The following ACLY variants were observed in gnomAD, a reference collection of about 807,000 sequenced individuals.
The protein encoded by ACLY is ATP-citrate synthase.
Under a neutral mutation model 133.0 loss-of-function variants are expected in ACLY, and 41 were observed. The ratio of observed to expected loss-of-function variants is 0.31; its 90% confidence interval spans 0.24 to 0.40. The LOEUF (loss-of-function observed/expected upper bound fraction) is 0.40, where lower values mean the gene tolerates loss of function less well. Among genes scored for constraint, ACLY ranks in the 10% least tolerant of loss-of-function variants. The probability of loss-of-function intolerance (pLI) is 1.00; values close to 1 mark genes in which losing one functional copy is unlikely to be tolerated. For synonymous variants in ACLY, 495 were observed against 549.3 expected, an observed-to-expected ratio of 0.90 and a Z score of 1.38; for missense variants, 1,046 against 1,453.8, an observed-to-expected ratio of 0.72 and a Z score of 4.56.
intron 16 of ACLY, among the ~76,000 whole-genome samples, chr17:41,888,261 G>T (rs575821897): frequency 6.6e-6 from 1 of 152,310 alleles, no homozygotes. Flanking sequence ...ATCTCCACTA[G>T]CTAACACCAC....
rs1555629745 is a variant in ACLY at position 41,893,289 on chromosome 17, A to C, written c.1460-115T>G. 4.2e-6 allele frequency: 5 copies of C among 1,194,502 alleles called. No homozygotes were observed. The Admixed American group carries it at 8.2e-5, about 20-fold the overall frequency. 74.0% of individuals were successfully genotyped at this position (1,194,502 alleles called of 1,614,324 possible). On this transcript the variant is annotated intron_variant, in intron 14 of 28. Transcript: ENST00000352035. ...CCCCATGTCCACAGGGTGATGCCTC[A>C]TCACAACCGTAAAGGAATGTCAAGA...
chr17:41,894,555 C>CAA (rs570391103), intron 14 of ACLY, among the ~76,000 whole-genome samples: 1 of 127,018 alleles, frequency 7.9e-6, no homozygotes. Flanking sequence ...GACCCCACCT[C>CAA]AAAAAAAAAA....
intron 14 of ACLY, among the ~76,000 whole-genome samples, 163 bp downstream of exon 14, chr17:41,896,457 G>C (rs1555630386): frequency 6.6e-6 from 1 of 152,212 alleles, no homozygotes; most frequent in African/African-American, 2.4e-5. Flanking sequence ...GGGAGGAAGA[G>C]CGAAGACTTA....
intron 16 of ACLY, among the ~76,000 whole-genome samples, chr17:41,890,473 G>A (rs569267733): frequency 4.1e-4 from 61 of 148,394 alleles, no homozygotes; most frequent in Admixed American, 1.9e-3. Context: ...TCACGAGGTC[G>A]AGAGATCGAG....
chr17:41,875,773 G>T (rs2048727962), intron 22 of ACLY, among the ~76,000 whole-genome samples: 1 of 152,316 alleles, frequency 6.6e-6, no homozygotes, highest in Middle Eastern at 3.4e-3. Context: ...GAGTGCAGTG[G>T]CGTGATCTCA....
intron 26 of ACLY, 24 bp downstream of exon 26, chr17:41,869,450 A>T (rs782365488): frequency 1.2e-5 from 19 of 1,580,560 alleles, no homozygotes; most frequent in Non-Finnish European, 1.7e-5. Context: ...ACGTGAGGGA[A>T]TTAGGAAGTT....
intron 8 of ACLY, among the ~76,000 whole-genome samples, 192 bp from the exon 9 acceptor site, chr17:41,905,850 G>C (rs1466738703): frequency 1.3e-5 from 2 of 152,322 alleles, no homozygotes; most frequent in Non-Finnish European, 2.9e-5. Flanking sequence ...GACTCTTCTG[G>C]GCAGTGCACT....
chr17:41,895,139 T>C (rs531759816), intron 14 of ACLY, among the ~76,000 whole-genome samples: 5 of 152,068 alleles, frequency 3.3e-5, no homozygotes, highest in Non-Finnish European at 5.9e-5. Flanking sequence ...ATGATTGAGG[T>C]CCGAGGTCAT....
chr17:41,883,631 C>A (rs567115457), intron 19 of ACLY, among the ~76,000 whole-genome samples: 1 of 128,326 alleles, frequency 7.8e-6, no homozygotes, highest in African/African-American at 3.0e-5. Context: ...GTCTCCCAGG[C>A]TGGAGGGCAG....
intron 10 of ACLY, among the ~76,000 whole-genome samples, chr17:41,903,652 G>A (rs1422131497): frequency 6.7e-6 from 1 of 148,604 alleles, no homozygotes; most frequent in Non-Finnish European, 1.5e-5. Context: ...GCTACTTGGA[G>A]GACTGAGGCA....
At chr17:41,917,134 CAA>C (rs35545409) in intron 1 of ACLY, among the ~76,000 whole-genome samples, 17 of 53,534 alleles carry the variant, frequency 3.2e-4, no homozygotes, top group African/African-American at 5.2e-4. Flanking sequence ...GACTCTGTCT[CAA>C]AAAAAAAAAA....
chr17:41,898,476 A>T (rs2144340823), intron 12 of ACLY, among the ~76,000 whole-genome samples, 155 bp downstream of exon 12: 1 of 152,314 alleles, frequency 6.6e-6, no homozygotes. Context: ...TTTAATCAGG[A>T]CAGGAAAAAA....
At chr17:41,895,814 C>T (rs2049348648) in intron 14 of ACLY, among the ~76,000 whole-genome samples, 1 of 152,214 alleles carries the variant, frequency 6.6e-6, no homozygotes. Context: ...TACTCCTTCC[C>T]CTCCCCTTAG....
Position 41,913,704 on chromosome 17 carries a change from G to A in ACLY, c.159+11C>T, listed in dbSNP as rs1555634033. The A allele has an allele frequency of 1.9e-6, 3 of 1,613,056 alleles. No homozygotes were observed. In the South Asian group the frequency reaches 3.3e-5, roughly 18 times the overall value. On this transcript the variant is annotated intron_variant, in intron 2 of 28. Coordinates refer to ENST00000352035, the MANE Select transcript of ACLY (RefSeq NM_001096.3). ...CCTGGAAGAAAGGCCCAAAGTGGAG[G>A]CAGGGCTCACCTGGCTGAGCAGCCA... is the stretch of plus-strand genomic sequence containing the variant.
Position 41,893,056 on chromosome 17 carries a change from C to G in ACLY, c.1578G>C (p.Val526=), listed in dbSNP as rs782715950. 5.0e-6 allele frequency: 8 copies of G among 1,613,866 alleles called. No individual in the cohort carries two copies. Among genetic ancestry groups the G allele is most frequent in the Non-Finnish European group, 6.8e-6 (8 of 1,179,882 alleles). ...ACGTGAAAGGGTAGACCATGGCAGCCACTGAGGGCTCGTCTCGGGAGCAGA... is the reference window on the plus strand; with the variant it reads ...ACGTGAAAGGGTAGACCATGGCAGCGACTGAGGGCTCGTCTCGGGAGCAGA... The part of the protein sequence containing the change: ...DYVCSRDEPS[V]AAMVYPFTGD... The change falls in exon 15 of 29, where the codon GTG becomes GTC. Residue 526 remains valine (V), a synonymous_variant. Coordinates refer to ENST00000352035, the MANE Select transcript of ACLY (RefSeq NM_001096.3).
rs1427081440 is a variant in ACLY at position 41,879,702 on chromosome 17, T to C, written c.2266-778A>G. 1.1e-4 allele frequency among the ~76,000 whole-genome samples: 13 copies of C among 114,906 alleles called. No individual in the cohort carries two copies. The East Asian group carries it at 3.8e-3, about 34-fold the overall frequency. The allele number at this position is 114,906 out of a possible 152,430, so 75.4% of individuals were successfully genotyped here. On this transcript the variant is annotated intron_variant, in intron 20 of 28. Transcript: ENST00000352035. Reference sequence around the variant, plus strand: ...AAAAAAAAAAAGAAGTGCTAAATGGTGTCTGTGTCTTTTCTTTCTTTCTTT... The same window carrying C: ...AAAAAAAAAAAGAAGTGCTAAATGGCGTCTGTGTCTTTTCTTTCTTTCTTT...
chr17:41,890,578 C>G (rs2049179172), intron 16 of ACLY, among the ~76,000 whole-genome samples: 1 of 151,588 alleles, frequency 6.6e-6, no homozygotes, highest in South Asian at 2.1e-4. Context: ...ATCCCAGCTA[C>G]TTGGGAGGCT....
chr17:41,918,257 G>GGGTCCTTGCTGCGAGATTCC (rs1484220389), intron 1 of ACLY, among the ~76,000 whole-genome samples: 7 of 152,244 alleles, frequency 4.6e-5, no homozygotes, highest in African/African-American at 1.7e-4. Flanking sequence ...AGTGCGAGGA[G>GGGTCCTTGCTGCGAGATTCC]GGTCCTTGCT....
At chr17:41,912,328 C>T in intron 3 of ACLY, 92 bp downstream of exon 3, 2 of 1,524,576 alleles carry the variant, frequency 1.3e-6, no homozygotes, top group Non-Finnish European at 1.8e-6. Flanking sequence ...ATGAGACTGG[C>T]TGTGGGGGTG....
Sources: gnomAD v4.1 joint callset for allele counts (sites outside exome capture counted in the v4.1 genomes callset) on GRCh38, gnomAD v4.1.1 for gene constraint, MANE v1.5 for transcripts, NCBI Gene and HGNC (gene_info 2026-07-23, HGNC 2026-07-21) for gene names.